The following LRRC7 variants were observed in gnomAD, a reference collection of about 807,000 sequenced individuals.
LRRC7 encodes leucine-rich repeat-containing protein 7.
In LRRC7, 23 loss-of-function variants were observed where a neutral mutation model predicts 175.7. The observed-to-expected ratio is 0.13, with a 90% CI of 0.09 to 0.19. LRRC7 has a LOEUF of 0.19. Ranked by LOEUF, LRRC7 falls within the 10% of genes least tolerant of loss-of-function variation. The pLI is 1.00. For synonymous variants in LRRC7, 685 were observed against 680.9 expected, an observed-to-expected ratio of 1.01 and a Z score of -0.09; for missense variants, 1,354 against 1,904.7, an observed-to-expected ratio of 0.71 and a Z score of 5.38.
intron 3 of LRRC7, among the ~76,000 whole-genome samples, chr1:69,786,979 C>T (rs960532871): frequency 2.6e-5 from 4 of 152,218 alleles, no homozygotes; most frequent in African/African-American, 9.6e-5. Context: ...AAGTCCCTTC[C>T]ACCTATGAGC....
chr1:70,076,618 T>C (rs1662799767), intron 24 of LRRC7, among the ~76,000 whole-genome samples: 1 of 152,232 alleles, frequency 6.6e-6, no homozygotes, highest in Non-Finnish European at 1.5e-5. Flanking sequence ...TTGAATGTTA[T>C]AAAGGACTTC....
Position 70,140,105 on chromosome 1 carries a change from C to T in LRRC7, c.*18218C>T, listed in dbSNP as rs1332407021. The T allele has an allele frequency of 1.3e-5, 2 of 151,982 alleles. No homozygotes were observed. Among genetic ancestry groups the T allele is most frequent in the East Asian group, 1.9e-4 (1 of 5,192 alleles). The allele number at this position is 151,982 out of a possible 1,614,324, so 9.4% of individuals were successfully genotyped here. A position where few individuals can be genotyped will look rare whatever the true frequency, so the allele number is the denominator to read the frequency against. ...ATCAAGCAATAATAAACTAGATGTG[C>T]AATAATCTTGTCGAGTAGTATGTGC... is the stretch of plus-strand genomic sequence containing the variant. On this transcript the variant is annotated 3_prime_UTR_variant, in exon 27 of 27. Transcript: ENST00000651989.
At chr1:69,662,342 T>G (rs1186012729) in intron 1 of LRRC7, among the ~76,000 whole-genome samples, 2 of 152,210 alleles carry the variant, frequency 1.3e-5, no homozygotes, top group Admixed American at 1.3e-4. Flanking sequence ...TTTCAAGACA[T>G]TCATAATGAT....
intron 3 of LRRC7, among the ~76,000 whole-genome samples, chr1:69,768,599 T>C (rs1360573064): frequency 2.0e-5 from 3 of 152,198 alleles, no homozygotes; most frequent in Non-Finnish European, 2.9e-5. Context: ...CTCCCTCTGA[T>C]ATGCTGTCTA....
At chr1:70,094,750 C>G (rs1198859267) in intron 25 of LRRC7, among the ~76,000 whole-genome samples, 1 of 152,144 alleles carries the variant, frequency 6.6e-6, no homozygotes, top group Non-Finnish European at 1.5e-5. Flanking sequence ...TAACAATACT[C>G]AGAGGCATGC....
intron 8 of LRRC7, among the ~76,000 whole-genome samples, chr1:69,942,473 A>G (rs1207885010): frequency 3.3e-5 from 5 of 152,108 alleles, no homozygotes; most frequent in African/African-American, 1.2e-4. Flanking sequence ...AGGCAATACA[A>G]AATTATTATC....
intron 11 of LRRC7, among the ~76,000 whole-genome samples, chr1:69,995,860 A>G (rs1318290741): frequency 2.0e-5 from 3 of 151,280 alleles, no homozygotes; most frequent in Admixed American, 2.0e-4. Context: ...GCCGCAATAA[A>G]CATACGTGTG....
At chr1:70,065,272 G>A (rs1158265051) in intron 23 of LRRC7, among the ~76,000 whole-genome samples, 1 of 151,892 alleles carries the variant, frequency 6.6e-6, no homozygotes, top group African/African-American at 2.4e-5. Flanking sequence ...TTAAGCAAAA[G>A]TTCAGGAGAA....
At position 70,004,177 on chromosome 1, in the gene LRRC7, C is replaced by A. The variant is rs17131113; in HGVS notation, c.1005-7620C>A. 7.5e-3 allele frequency among the ~76,000 whole-genome samples: 1,138 copies of A among 152,164 alleles called. 14 individuals are homozygous for A. The highest frequency in any genetic ancestry group is 0.026 in the African/African-American group (1,088 of 41,496). On this transcript the variant is annotated intron_variant, in intron 11 of 26. Coordinates refer to ENST00000651989, the MANE Select transcript of LRRC7 (RefSeq NM_001370785.2). Reference sequence around the variant, plus strand: ...TAGATGATTTTGTTTCTAATGAATGCGTTTTCGTCATACTTTCACTGAATT... The same window carrying A: ...TAGATGATTTTGTTTCTAATGAATGAGTTTTCGTCATACTTTCACTGAATT...
Position 69,985,115 on chromosome 1 carries a change from A to C in LRRC7, c.787-1127A>C, listed in dbSNP as rs376652771. Among the ~76,000 whole-genome samples, 242 of 152,122 alleles carry C rather than the reference A, an allele frequency of 1.6e-3. 1 individual carries two copies. Among genetic ancestry groups the C allele is most frequent in the African/African-American group, 5.3e-3 (220 of 41,502 alleles). ...CATTCACTACATGCTTTTTTATTGC[A>C]CTTGTCACAGGGTGTTATAATTATT... On this transcript the variant is annotated intron_variant, in intron 9 of 26. Transcript: ENST00000651989.
intron 11 of LRRC7, among the ~76,000 whole-genome samples, chr1:70,005,081 A>T (rs993841369): frequency 6.6e-6 from 1 of 151,762 alleles, no homozygotes; most frequent in Non-Finnish European, 1.5e-5. Flanking sequence ...GGGATGTGAT[A>T]TCTATTCCAT....
chr1:70,042,568 C>T (rs945178744), intron 21 of LRRC7, among the ~76,000 whole-genome samples: 2 of 152,124 alleles, frequency 1.3e-5, no homozygotes, highest in African/African-American at 4.8e-5. Context: ...TGCTTGTTTC[C>T]TCTTTTAGTT....
rs114815269 is a variant in LRRC7 at position 70,112,270 on chromosome 1, G to T, written c.4620+4444G>T. Among the ~76,000 whole-genome samples the T allele has an allele frequency of 2.8e-3, 420 of 152,188 alleles. 4 individuals are homozygous for T. Among genetic ancestry groups the T allele is most frequent in the African/African-American group, 9.5e-3 (396 of 41,534 alleles). On this transcript the variant is annotated intron_variant, in intron 26 of 26. Coordinates refer to ENST00000651989, the MANE Select transcript of LRRC7 (RefSeq NM_001370785.2). ...TTTTAAAGTTAGTTTTTGGTAAGTT[G>T]TTCAGCTCAGAGCATCTTCTCTTGG...
At chr1:69,827,498 C>T (rs1680055911) in intron 5 of LRRC7, among the ~76,000 whole-genome samples, 1 of 152,096 alleles carries the variant, frequency 6.6e-6, no homozygotes, top group South Asian at 2.1e-4. Context: ...GAAAAGTCAA[C>T]ATAAATTGTT....
At chr1:69,859,374 C>T (rs61782572) in intron 7 of LRRC7, among the ~76,000 whole-genome samples, 15,549 of 152,040 alleles carry the variant, frequency 0.1, 1,881 homozygotes, top group African/African-American at 0.3. Context: ...TTTTCTAGCA[C>T]ATTATTTTGG....
At chr1:69,848,851 A>T (rs541563936) in intron 7 of LRRC7, among the ~76,000 whole-genome samples, 1 of 152,078 alleles carries the variant, frequency 6.6e-6, no homozygotes, top group Admixed American at 6.6e-5. Flanking sequence ...AATTAACTTC[A>T]TGATATTAAT....
intron 7 of LRRC7, among the ~76,000 whole-genome samples, chr1:69,930,330 G>T (rs1459632935): frequency 6.6e-6 from 1 of 152,052 alleles, no homozygotes; most frequent in Admixed American, 6.6e-5. Context: ...CATCCGGATT[G>T]CAGTAATATT....
At chr1:69,915,329 A>G (rs1441003152) in intron 7 of LRRC7, among the ~76,000 whole-genome samples, 1 of 152,172 alleles carries the variant, frequency 6.6e-6, no homozygotes, top group Admixed American at 6.6e-5. Flanking sequence ...TAATTTAAAT[A>G]CTCACAATAA....
intron 3 of LRRC7, among the ~76,000 whole-genome samples, chr1:69,772,606 A>T (rs1186096722): frequency 1.3e-5 from 2 of 152,236 alleles, no homozygotes; most frequent in Non-Finnish European, 2.9e-5. Context: ...AGTCAAGAGC[A>T]GAGACAGAGA....
Sources: gnomAD v4.1 joint callset for allele counts (sites outside exome capture counted in the v4.1 genomes callset) on GRCh38, gnomAD v4.1.1 for gene constraint, MANE v1.5 for transcripts, NCBI Gene and HGNC (gene_info 2026-07-23, HGNC 2026-07-21) for gene names.